The following SAMD5 variants were observed in gnomAD, a reference collection of about 807,000 sequenced individuals.
SAMD5 encodes the protein sterile alpha motif domain containing 5, also known as sterile alpha motif domain-containing protein 5.
In SAMD5, 13 loss-of-function variants were observed where a neutral mutation model predicts 11.3. The ratio of observed to expected loss-of-function variants is 1.15; its 90% CI spans 0.75 to 1.83. The LOEUF (loss-of-function observed/expected upper bound fraction) is 1.83. SAMD5 is among the 40% of genes most tolerant of loss of function. SAMD5 has a pLI of 0.00. For synonymous variants in SAMD5, 129 were observed against 111.3 expected (o/e 1.16, Z -1.00); for missense variants, 255 against 239.1 (o/e 1.07, Z -0.44).
chr6:147,921,471 G>T, the SAMD5 span, among the ~76,000 whole-genome samples: 6,664 of 152,144 alleles, frequency 0.044, 469 homozygotes, highest in African/African-American at 0.15. Flanking sequence ...TTCTTGAAAG[G>T]GTTAAATAGT....
chr6:147,627,907 T>G (rs1156437451), intron 1 of SAMD5, among the ~76,000 whole-genome samples: 1 of 152,266 alleles, frequency 6.6e-6, no homozygotes, highest in Admixed American at 6.5e-5. Context: ...AGATGTTTCC[T>G]GCCAGTCAAT....
intron 1 of SAMD5, among the ~76,000 whole-genome samples, chr6:147,631,867 G>T (rs1449158104): frequency 6.6e-6 from 1 of 152,156 alleles, no homozygotes; most frequent in Non-Finnish European, 1.5e-5. Flanking sequence ...ATTTCCTTGA[G>T]GATAGATTTC....
At chr6:147,675,378 T>G (rs1163337491) in intron 1 of SAMD5, among the ~76,000 whole-genome samples, 1 of 152,184 alleles carries the variant, frequency 6.6e-6, no homozygotes, top group Non-Finnish European at 1.5e-5. Flanking sequence ...CCCTCTGCTT[T>G]CCTGTTGAGG....
At chr6:147,729,340 C>CCTTAACTAT (rs1198493205) in intron 1 of SAMD5, among the ~76,000 whole-genome samples, 1 of 152,152 alleles carries the variant, frequency 6.6e-6, no homozygotes, top group Non-Finnish European at 1.5e-5. Context: ...CCAGTGTTTC[C>CCTTAACTAT]CTTAACTATT....
intron 1 of SAMD5, among the ~76,000 whole-genome samples, chr6:147,539,517 A>G (rs1788565751): frequency 6.6e-6 from 1 of 152,190 alleles, no homozygotes. Context: ...TGCAAAACAG[A>G]ACAGTGCCTT....
At chr6:147,573,117 A>G (rs1476448703), downstream of SAMD5, among the ~76,000 whole-genome samples, 1 of 152,204 alleles carries the variant, frequency 6.6e-6, no homozygotes, top group Non-Finnish European at 1.5e-5. Flanking sequence ...TACGGATTAC[A>G]TGGGAGCCAG....
chr6:147,652,010 C>T (rs1583124909), intron 1 of SAMD5, among the ~76,000 whole-genome samples: 2 of 152,106 alleles, frequency 1.3e-5, no homozygotes, highest in South Asian at 4.2e-4. Flanking sequence ...TGATTTTTGC[C>T]ATTTAAAAGT....
Position 147,567,777 on chromosome 6 carries a change from C to T in SAMD5, c.*3321C>T, listed in dbSNP as rs1170404444. Reference sequence around the variant, plus strand: ...TGCCTGAAACCCACTGAATAAGTCCCCTTTGATTTCTCTCAGGAAGGATAA... The same window carrying T: ...TGCCTGAAACCCACTGAATAAGTCCTCTTTGATTTCTCTCAGGAAGGATAA... On this transcript the variant is annotated 3_prime_UTR_variant, in exon 2 of 2. Transcript: ENST00000367474. 2 of 985,324 alleles carry T rather than the reference C, an allele frequency of 2.0e-6. No individual in the cohort carries two copies. Among genetic ancestry groups the T allele is most frequent in the East Asian group, 1.1e-4 (1 of 8,808 alleles). The allele number at this position is 985,324 out of a possible 1,614,324, so 61.0% of individuals were successfully genotyped here. A position where few individuals can be genotyped will look rare whatever the true frequency, so the allele number is the denominator to read the frequency against.
chr6:147,940,202 ATTTTTTTTT>A, the SAMD5 span, among the ~76,000 whole-genome samples: 1 of 133,170 alleles, frequency 7.5e-6, no homozygotes, highest in Non-Finnish European at 1.6e-5. Context: ...GGCAGAATTC[ATTTTTTTTT>A]TTTTTTTTTG....
chr6:147,924,716 A>G, the SAMD5 span, among the ~76,000 whole-genome samples: 19 of 151,668 alleles, frequency 1.3e-4, no homozygotes, highest in East Asian at 1.9e-4. Flanking sequence ...CATAAATTAT[A>G]TATATAAATA....
chr6:147,614,469 CAA>C, intron 1 of SAMD5, among the ~76,000 whole-genome samples: 1 of 138,082 alleles, frequency 7.2e-6, no homozygotes, highest in East Asian at 2.1e-4. Context: ...ACTCTGTCTC[CAA>C]AAAAAAAAAG....
the SAMD5 span, among the ~76,000 whole-genome samples, chr6:147,761,205 C>A: frequency 6.6e-6 from 1 of 152,052 alleles, no homozygotes; most frequent in African/African-American, 2.4e-5. Context: ...TTAATTTCAA[C>A]CTTAATATTC....
Position 147,569,398 on chromosome 6 carries a change from C to A in SAMD5, c.*4942C>A. ...AAGAGGCTAAATTCCATGTTAAGAG[C>A]TAAGTAGTATTTTTTTCTTAACAAT... On this transcript the variant is annotated 3_prime_UTR_variant, in exon 2 of 2. Coordinates refer to ENST00000367474, the MANE Select transcript of SAMD5 (RefSeq NM_001030060.3). 1.0e-6 allele frequency: 1 copy of A among 957,580 alleles called. No homozygotes were observed. The highest frequency in any genetic ancestry group is 1.2e-6 in the Non-Finnish European group (1 of 804,694). The allele number at this position is 957,580 out of a possible 1,614,324, so 59.3% of individuals were successfully genotyped here. A position where few individuals can be genotyped will look rare whatever the true frequency, so the allele number is the denominator to read the frequency against.
At chr6:147,652,953 C>T (rs1477851851) in intron 1 of SAMD5, among the ~76,000 whole-genome samples, 3 of 152,114 alleles carry the variant, frequency 2.0e-5, no homozygotes, top group East Asian at 3.9e-4. Flanking sequence ...TCAGCGACTT[C>T]GATTTGTTTG....
intron 1 of SAMD5, among the ~76,000 whole-genome samples, chr6:147,635,247 C>T (rs1470028803): frequency 6.9e-6 from 1 of 145,126 alleles, no homozygotes; most frequent in Middle Eastern, 3.6e-3. Flanking sequence ...ACCACCACCA[C>T]CATCACCATC....
the SAMD5 span, among the ~76,000 whole-genome samples, chr6:147,947,947 T>C: frequency 2.6e-5 from 4 of 152,284 alleles, no homozygotes; most frequent in Non-Finnish European, 4.4e-5. Flanking sequence ...TCCAGTATTT[T>C]GACTAAATTG....
At chr6:147,645,111 A>T (rs1280343083) in intron 1 of SAMD5, among the ~76,000 whole-genome samples, 3 of 152,168 alleles carry the variant, frequency 2.0e-5, no homozygotes, top group African/African-American at 4.8e-5. Context: ...TAACAAGGAG[A>T]TGCCATAATC....
chr6:147,595,082 C>T (rs756398830), intron 1 of SAMD5, among the ~76,000 whole-genome samples: 10 of 152,168 alleles, frequency 6.6e-5, no homozygotes, highest in Non-Finnish European at 1.3e-4. Flanking sequence ...GTTTCATATA[C>T]TATCTTAGTA....
chr6:147,888,901 AG>A, the SAMD5 span, among the ~76,000 whole-genome samples: 1 of 147,422 alleles, frequency 6.8e-6, no homozygotes, highest in South Asian at 2.2e-4. Context: ...AAAAAAAAAA[AG>A]ATTTTCTTTT....
Sources: gnomAD v4.1 joint callset for allele counts (sites outside exome capture counted in the v4.1 genomes callset) on GRCh38, gnomAD v4.1.1 for gene constraint, MANE v1.5 for transcripts, NCBI Gene and HGNC (gene_info 2026-07-23, HGNC 2026-07-21) for gene names.